Variants in POLD1 observed in about 807,000 individuals in gnomAD.
POLD1 encodes DNA polymerase delta 1, catalytic subunit.
In POLD1, 79 loss-of-function variants were observed where a neutral mutation model predicts 129.7. The observed-to-expected ratio is 0.61, with a 90% CI of 0.51 to 0.73. The LOEUF (loss-of-function observed/expected upper bound fraction) is 0.73, where lower values mean the gene tolerates loss of function less well. Ranked by LOEUF, POLD1 falls within the 30% of genes least tolerant of loss-of-function variation. The pLI is 0.00. For synonymous variants in POLD1, 714 were observed against 683.3 expected (o/e 1.04, Z -0.70); for missense variants, 1,338 against 1,595.8 (o/e 0.84, Z 2.75).
Position 50,417,163 on chromosome 19 carries a change from C to A in POLD1, c.3121-9C>A, listed in dbSNP as rs149742605. The A allele has an allele frequency of 1.9e-6, 3 of 1,595,054 alleles. No individual in the cohort carries two copies. Among genetic ancestry groups the A allele is most frequent in the East Asian group, 2.3e-5 (1 of 43,892 alleles). On this transcript the variant is annotated splice_polypyrimidine_tract_variant and intron_variant, in intron 25 of 26. Transcript: ENST00000440232. ...CGGGGGCGCCCTGCTCAGCCGCTGCCGTCCCCAGGTATCCCATCTGAATGC... is the reference window on the plus strand; with the variant it reads ...CGGGGGCGCCCTGCTCAGCCGCTGCAGTCCCCAGGTATCCCATCTGAATGC...
At chr19:50,404,103 T>C (rs2038773594) in intron 10 of POLD1, among the ~76,000 whole-genome samples, 1 of 152,140 alleles carries the variant, frequency 6.6e-6, no homozygotes, top group Non-Finnish European at 1.5e-5. Flanking sequence ...TCCTGAAGGC[T>C]GGAAAGTCCA....
rs746678748 is a variant in POLD1, at chr19:50,402,281, G to A, written c.666G>A (p.Pro222=). Reference sequence around the variant, plus strand: ...TGGCGCTGCCGCGCCTCGTGGCCCCGGCCCGCCGTCTCCTGGAACAGGGCA... The same window carrying A: ...TGGCGCTGCCGCGCCTCGTGGCCCCAGCCCGCCGTCTCCTGGAACAGGGCA... ...ITVALPRLVA[P]ARRLLEQGIR... is the part of the protein sequence containing the mutation. The change falls in exon 6 of 27, where the codon CCG becomes CCA. Residue 222 remains proline (P), a synonymous_variant. Coordinates refer to ENST00000440232, the MANE Select transcript of POLD1 (RefSeq NM_002691.4). 1.1e-4 allele frequency: 183 copies of A among 1,608,318 alleles called. No homozygotes were observed. The highest frequency in any genetic ancestry group is 8.2e-4 in the Middle Eastern group (5 of 6,066).
intron 18 of POLD1, 79 bp from the exon 19 acceptor site, chr19:50,413,663 G>A (rs2122442608): frequency 6.4e-7 from 1 of 1,551,142 alleles, no homozygotes; most frequent in Non-Finnish European, 8.7e-7. Context: ...GTTGGCATTA[G>A]CCACCTGCCA....
In POLD1 at chr19:50,402,499, C is replaced by T. The variant is rs754889862; in HGVS notation, c.804C>T (p.Leu268=). The change falls in exon 7 of 27, where the codon CTC becomes CTT. Residue 268 remains leucine (L), a synonymous_variant. Transcript: ENST00000440232. ...TCGTCGGCTGCAACTGGCTGGAGCTCCCAGCTGGGAAATACGCCCTGAGGC... is the reference window on the plus strand; with the variant it reads ...TCGTCGGCTGCAACTGGCTGGAGCTTCCAGCTGGGAAATACGCCCTGAGGC... The part of the protein sequence containing the change: ...TDIVGCNWLE[L]PAGKYALRLK... The T allele has an allele frequency of 2.5e-6, 4 of 1,610,630 alleles. No homozygotes were observed. The East Asian group carries it at 8.9e-5, about 36-fold the overall frequency.
chr19:50,401,359 G>GTGTATATA (rs1177431255), intron 3 of POLD1, among the ~76,000 whole-genome samples: 104 of 90,198 alleles, frequency 1.2e-3, no homozygotes, highest in South Asian at 2.8e-3. Context: ...GTGTATTTGT[G>GTGTATATA]TATATGTGTA....
chr19:50,414,498 C>T (rs1236713937), intron 19 of POLD1, among the ~76,000 whole-genome samples: 2 of 152,252 alleles, frequency 1.3e-5, no homozygotes, highest in African/African-American at 4.8e-5. Flanking sequence ...GCTCACCCAG[C>T]CGTAGTTTCT....
At chr19:50,394,569 C>T (rs1200458923) in intron 1 of POLD1, among the ~76,000 whole-genome samples, 2 of 151,930 alleles carry the variant, frequency 1.3e-5, no homozygotes, top group African/African-American at 4.8e-5. Context: ...GCAGGAGAAT[C>T]GCTTGAAGCC....
Position 50,407,715 on chromosome 19 carries a change from C to T in POLD1, c.1775+300C>T, listed in dbSNP as rs1443955495. Among the ~76,000 whole-genome samples the T allele has an allele frequency of 2.7e-5, 4 of 146,982 alleles. No homozygotes were observed. The East Asian group carries it at 6.0e-4, about 22-fold the overall frequency. ...CTGGGACTACAGGCGCCCACCACCA[C>T]GCCTGGCTAATTTTTTTTTTTTTTT... On this transcript the variant is annotated intron_variant, in intron 14 of 26. Transcript: ENST00000440232.
chr19:50,399,451 A>C lies in POLD1; in HGVS notation c.283A>C (p.Ile95Leu). ...GCTGGACCCCCAGACAGAGCCCCTC[A>C]TCTTCCAACAGTTGGAGATTGACCA... Reference protein sequence around the residue: ...PALDPQTEPLIFQQLEIDHYV... With the variant: ...PALDPQTEPLLFQQLEIDHYV... Residue 95 changes from isoleucine (I) to leucine (L), a missense_variant, in exon 3 of 27, where the codon ATC becomes CTC. This residue lies in a region of POLD1 where 332 missense variants were observed against 315.7 expected (regional missense o/e 1.05). Coordinates refer to ENST00000440232, the MANE Select transcript of POLD1 (RefSeq NM_002691.4). 1 of 1,613,960 alleles carries C rather than the reference A, an allele frequency of 6.2e-7. No homozygotes were observed. The highest frequency in any genetic ancestry group is 1.1e-5 in the South Asian group (1 of 91,074).
chr19:50,389,916 T>G (rs555697095), intron 1 of POLD1, among the ~76,000 whole-genome samples: 73 of 150,962 alleles, frequency 4.8e-4, no homozygotes, highest in Middle Eastern at 3.4e-3. Flanking sequence ...GTTTTGTTTT[T>G]TTTTTCTTTT....
chr19:50,415,968 T>A, intron 22 of POLD1, 142 bp downstream of exon 22: 1 of 638,496 alleles, frequency 1.6e-6, no homozygotes, highest in East Asian at 2.8e-5. Flanking sequence ...AGCCTGGGTG[T>A]GGCCTCGGCC....
At position 50,403,210 on chromosome 19, in the gene POLD1, C is replaced by T; in HGVS notation, c.1128C>T (p.Asp376=). 1 of 1,555,506 alleles carries T rather than the reference C, an allele frequency of 6.4e-7. No homozygotes were observed. The highest frequency in any genetic ancestry group is 1.2e-5 in the South Asian group (1 of 84,758). The change falls in exon 9 of 27, where the codon GAC becomes GAT. Residue 376 remains aspartate, a synonymous_variant. Coordinates refer to ENST00000440232, the MANE Select transcript of POLD1 (RefSeq NM_002691.4). ...TGCAGAGCTACGAGAAGGAGGAGGA[C>T]CTGCTGCAGGTAGCTCTCGCTCCAC... ...AKVQSYEKEE[D]LLQAWSTFIR... is the part of the protein sequence containing the mutation.
intron 14 of POLD1, among the ~76,000 whole-genome samples, chr19:50,407,865 C>T (rs929862483): frequency 6.6e-6 from 1 of 150,448 alleles, no homozygotes; most frequent in Admixed American, 6.6e-5. Context: ...AGCCACCGTG[C>T]CCGGCCGAAA....
At chr19:50,411,104 C>G (rs894053897) in intron 17 of POLD1, 1 of 152,076 alleles carries the variant, frequency 6.6e-6, no homozygotes, top group Non-Finnish European at 1.5e-5. Context: ...ACTGCGGGCA[C>G]GTGCCACCTA....
Position 50,406,341 on chromosome 19 carries a change from G to A in POLD1, c.1383+19G>A, listed in dbSNP as rs2038880346. The A allele has an allele frequency of 1.2e-6, 2 of 1,613,008 alleles. No homozygotes were observed. Among genetic ancestry groups the A allele is most frequent in the African/African-American group, 2.7e-5 (2 of 74,892 alleles). ...GCTGCAGGTATGGGCGGGAGGTGGGGTGTGTCCCTGTCCTTGGAAGGCCAC... is the reference window on the plus strand; with the variant it reads ...GCTGCAGGTATGGGCGGGAGGTGGGATGTGTCCCTGTCCTTGGAAGGCCAC... On this transcript the variant is annotated intron_variant, in intron 11 of 26. Transcript: ENST00000440232. This position sits in a 1 kb window ranked among gnomAD's most constrained non-coding sequence, Gnocchi z 5.5.
chr19:50,386,703 C>A (rs1240843035), intron 1 of POLD1, among the ~76,000 whole-genome samples: 1 of 152,178 alleles, frequency 6.6e-6, no homozygotes, highest in Non-Finnish European at 1.5e-5. Flanking sequence ...GGGGGCCCAC[C>A]CTGTGCTGGG....
At chr19:50,415,667 G>GCCCCCCCCCCCCCCCCCCCCCCCCCCCCC in intron 21 of POLD1, 57 bp from the exon 22 acceptor site, 9 of 1,462,198 alleles carry the variant, frequency 6.2e-6, no homozygotes, top group Middle Eastern at 2.4e-4. Context: ...CTACACCCTC[G>GCCCCCCCCCCCCCCCCCCCCCCCCCCCCC]CCCCCACCCC....
In POLD1 at chr19:50,401,715, G is replaced by A. The variant is rs971980845; in HGVS notation, c.317-63G>A. On this transcript the variant is annotated intron_variant, in intron 3 of 26. Transcript: ENST00000440232. Reference sequence around the variant, plus strand: ...GCAGGCCCCAAGGTATTTCGAGGCTGTGGAGACACACCTTGGAGGACCCTG... The same window carrying A: ...GCAGGCCCCAAGGTATTTCGAGGCTATGGAGACACACCTTGGAGGACCCTG... The A allele has an allele frequency of 2.7e-5, 42 of 1,579,008 alleles. No individual in the cohort carries two copies. In the African/African-American group the frequency reaches 5.2e-4, roughly 20 times the overall value.
rs2122254736 is a variant in POLD1 at position 50,402,605 on chromosome 19, C to T, written c.841-7C>T. The T allele has an allele frequency of 6.4e-7, 1 of 1,572,116 alleles. No homozygotes were observed. Among genetic ancestry groups the T allele is most frequent in the Middle Eastern group, 1.9e-4 (1 of 5,358 alleles). On this transcript the variant is annotated splice_polypyrimidine_tract_variant and splice_region_variant and intron_variant, in intron 7 of 26. Coordinates refer to ENST00000440232, the MANE Select transcript of POLD1 (RefSeq NM_002691.4). ...TGCTGCCACCGCTGACCCACCCATG[C>T]CCACAGGCTACGCAGTGCCAGCTGG...
Sources: allele counts gnomAD v4.1 joint callset (sites outside exome capture counted in the v4.1 genomes callset), GRCh38; gene constraint gnomAD v4.1.1; regional missense constraint gnomAD v4.1.1; non-coding constraint Gnocchi (gnomAD v3.1); transcripts MANE v1.5; gene names NCBI Gene and HGNC (gene_info 2026-07-23, HGNC 2026-07-21).